SPIDR: variants seen among roughly 807,000 people sequenced by gnomAD.
The protein encoded by SPIDR is DNA repair-scaffolding protein.
In SPIDR, 93 loss-of-function variants were observed where a neutral mutation model predicts 104.6. That is an observed-to-expected ratio of 0.89 (90% confidence interval 0.75 to 1.06). The LOEUF is 1.06. Ranked by LOEUF, SPIDR falls within the 50% of genes least tolerant of loss-of-function variation. The pLI is 0.00. For missense variants in SPIDR, 1,154 were observed against 1,111.2 expected, an observed-to-expected ratio of 1.04 and a Z score of -0.55; for synonymous variants, 431 against 416.9, an observed-to-expected ratio of 1.03 and a Z score of -0.41.
At chr8:47,672,726 G>A (rs1160856623) in intron 10 of SPIDR, among the ~76,000 whole-genome samples, 2 of 152,166 alleles carry the variant, frequency 1.3e-5, no homozygotes, top group Admixed American at 6.5e-5. Context: ...GTCCCCAGCA[G>A]GTCTGGTGTT....
intron 10 of SPIDR, among the ~76,000 whole-genome samples, chr8:47,657,082 C>G (rs940992665): frequency 1.3e-5 from 2 of 152,094 alleles, no homozygotes; most frequent in Admixed American, 1.3e-4. Flanking sequence ...TTAGATAGTG[C>G]TGATGGTTGC....
intron 5 of SPIDR, among the ~76,000 whole-genome samples, chr8:47,373,477 G>A (rs1409448133): frequency 6.6e-5 from 10 of 152,064 alleles, no homozygotes; most frequent in African/African-American, 2.2e-4. Context: ...CAGTAGTTTA[G>A]GTGGGATTTT....
At chr8:47,451,418 T>TA (rs1272661213) in intron 8 of SPIDR, among the ~76,000 whole-genome samples, 2 of 151,766 alleles carry the variant, frequency 1.3e-5, no homozygotes, top group Admixed American at 6.6e-5. Flanking sequence ...CCCATCTCTA[T>TA]AAAAAATGCA....
chr8:47,293,713 G>T (rs973054613), intron 4 of SPIDR, among the ~76,000 whole-genome samples, 154 bp from the exon 5 acceptor site: 2 of 152,142 alleles, frequency 1.3e-5, no homozygotes, highest in African/African-American at 4.8e-5. Context: ...CTCCCAAAGC[G>T]CTAGGATTAC....
Position 47,507,539 on chromosome 8 carries a change from G to A in SPIDR, c.1097+66997G>A, listed in dbSNP as rs201439976. On this transcript the variant is annotated intron_variant, in intron 8 of 19. Coordinates refer to ENST00000297423, the MANE Select transcript of SPIDR (RefSeq NM_001080394.4). The stretch of plus-strand genomic sequence containing the variant: ...TGCAGACTTTCCCATGAGCCCTGGT[G>A]GGGGGCTGAGGGAAGGATGGCAGGA... 3.9e-5 allele frequency among the ~76,000 whole-genome samples: 6 copies of A among 152,348 alleles called. No homozygotes were observed. The East Asian group carries it at 9.7e-4, about 25-fold the overall frequency.
intron 14 of SPIDR, among the ~76,000 whole-genome samples, chr8:47,704,607 G>A (rs2080811322): frequency 6.6e-6 from 1 of 152,218 alleles, no homozygotes; most frequent in Non-Finnish European, 1.5e-5. Flanking sequence ...GTCCTTGTCT[G>A]TCAAATGGGT....
At chr8:47,363,897 G>A (rs2154291111) in intron 5 of SPIDR, among the ~76,000 whole-genome samples, 1 of 151,406 alleles carries the variant, frequency 6.6e-6, no homozygotes, top group East Asian at 1.9e-4. Flanking sequence ...GGTAGGTAAG[G>A]AAAATCACAT....
In SPIDR at chr8:47,400,340, G is replaced by C. The variant is rs569269297; in HGVS notation, c.776+3714G>C. 1.1e-4 allele frequency among the ~76,000 whole-genome samples: 16 copies of C among 152,298 alleles called. No homozygotes were observed. The East Asian group carries it at 3.1e-3, about 29-fold the overall frequency. Reference sequence around the variant, plus strand: ...GATCATTTTCTTCTTGTGATTTCTAGGAACAACTAAATGAGGATGTCTGTT... The same window carrying C: ...GATCATTTTCTTCTTGTGATTTCTACGAACAACTAAATGAGGATGTCTGTT... On this transcript the variant is annotated intron_variant, in intron 6 of 19. Transcript: ENST00000297423.
chr8:47,735,519 G>T lies in SPIDR; in HGVS notation c.*69G>T, dbSNP rs1199641332. On this transcript the variant is annotated 3_prime_UTR_variant, in exon 20 of 20. Transcript: ENST00000297423. ...GTGGTGGTGGTGGTGGTGATTTGGGGTAGTTATTTGTTAACTATGGACACA... is the reference window on the plus strand; with the variant it reads ...GTGGTGGTGGTGGTGGTGATTTGGGTTAGTTATTTGTTAACTATGGACACA... 6.2e-7 allele frequency: 1 copy of T among 1,608,574 alleles called. No homozygotes were observed. Among genetic ancestry groups the T allele is most frequent in the African/African-American group, 1.3e-5 (1 of 74,846 alleles).
chr8:47,399,581 C>G (rs2154315070), intron 6 of SPIDR, among the ~76,000 whole-genome samples: 1 of 152,292 alleles, frequency 6.6e-6, no homozygotes, highest in South Asian at 2.1e-4. Context: ...CCAGGGCTGT[C>G]TGACAGGATC....
chr8:47,530,490 A>T (rs1394828078), intron 8 of SPIDR, among the ~76,000 whole-genome samples: 1 of 152,062 alleles, frequency 6.6e-6, no homozygotes, highest in Non-Finnish European at 1.5e-5. Context: ...AGAAAAAAAA[A>T]ATATCTAAAC....
chr8:47,481,570 G>A (rs1554727046), intron 8 of SPIDR, among the ~76,000 whole-genome samples: 1 of 152,236 alleles, frequency 6.6e-6, no homozygotes, highest in Non-Finnish European at 1.5e-5. Flanking sequence ...GAACCTGGGA[G>A]GCTCCATCAG....
intron 5 of SPIDR, among the ~76,000 whole-genome samples, chr8:47,394,609 C>G (rs1469267335): frequency 6.6e-6 from 1 of 152,212 alleles, no homozygotes; most frequent in Non-Finnish European, 1.5e-5. Context: ...ACCTCATGGT[C>G]CAGTCCCAAA....
At chr8:47,315,829 C>T (rs922549147) in intron 5 of SPIDR, among the ~76,000 whole-genome samples, 1 of 152,094 alleles carries the variant, frequency 6.6e-6, no homozygotes, top group Non-Finnish European at 1.5e-5. Flanking sequence ...CACCTTGACT[C>T]CCTACCTCAC....
intron 7 of SPIDR, among the ~76,000 whole-genome samples, chr8:47,419,931 G>T (rs1418421925): frequency 2.0e-5 from 3 of 152,128 alleles, no homozygotes; most frequent in Non-Finnish European, 2.9e-5. Flanking sequence ...GAGCAGTTTT[G>T]AGTGAGTTTC....
chr8:47,506,277 A>G (rs917842949), intron 8 of SPIDR, among the ~76,000 whole-genome samples: 2 of 152,210 alleles, frequency 1.3e-5, no homozygotes, highest in African/African-American at 4.8e-5. Flanking sequence ...GTGTCAACAT[A>G]AACCCCCCTT....
intron 8 of SPIDR, among the ~76,000 whole-genome samples, chr8:47,497,476 G>A (rs2079625745): frequency 6.6e-6 from 1 of 152,074 alleles, no homozygotes; most frequent in African/African-American, 2.4e-5. Flanking sequence ...TTATTTAGGG[G>A]TGTGTCATTT....
chr8:47,433,214 T>C (rs1346517338), intron 7 of SPIDR, among the ~76,000 whole-genome samples: 1 of 152,196 alleles, frequency 6.6e-6, no homozygotes, highest in Non-Finnish European at 1.5e-5. Flanking sequence ...TGAGCATTTC[T>C]TACCTCTCCT....
intron 5 of SPIDR, among the ~76,000 whole-genome samples, chr8:47,308,966 T>G (rs2043619419): frequency 6.6e-6 from 1 of 152,224 alleles, no homozygotes; most frequent in South Asian, 2.1e-4. Flanking sequence ...CTTCAGTAGA[T>G]TCCAGAGTTT....
Sources: gnomAD v4.1 joint callset for allele counts (sites outside exome capture counted in the v4.1 genomes callset) on GRCh38, gnomAD v4.1.1 for gene constraint, MANE v1.5 for transcripts, NCBI Gene and HGNC (gene_info 2026-07-23, HGNC 2026-07-21) for gene names.